ZNF385D: variants seen among roughly 807,000 people sequenced by gnomAD.
ZNF385D encodes the protein zinc finger protein 385D.
A neutral mutation model predicts 35.8 loss-of-function variants in ZNF385D; 15 were observed. That is an observed-to-expected ratio of 0.42 (90% CI 0.28 to 0.64). The LOEUF (loss-of-function observed/expected upper bound fraction) is 0.64, where lower values mean the gene tolerates loss of function less well. Among genes scored for constraint, ZNF385D ranks in the 30% least tolerant of loss-of-function variants. The pLI, the probability that ZNF385D is intolerant of heterozygous loss-of-function variation, is 0.23. For missense variants in ZNF385D, 474 were observed against 494.6 expected (o/e 0.96, Z 0.39); for synonymous variants, 212 against 186.8 (o/e 1.13, Z -1.10).
In ZNF385D at chr3:21,522,235, A is replaced by G. The variant is rs1314109048; in HGVS notation, c.277-11212T>C. On this transcript the variant is annotated intron_variant, in intron 3 of 7. Coordinates refer to ENST00000281523, the MANE Select transcript of ZNF385D (RefSeq NM_024697.3). ...ACCAAACAGAACTCTGAAGTGGGAC[A>G]TTTTATATGCAAAATCTGGGGAAAT... is the stretch of plus-strand genomic sequence containing the variant. 5.3e-5 allele frequency among the ~76,000 whole-genome samples: 8 copies of G among 152,292 alleles called. No homozygotes were observed. The East Asian group carries it at 1.2e-3, about 22-fold the overall frequency.
chr3:21,960,767 T>C (rs546669165), intron 3 of ZNF385D, among the ~76,000 whole-genome samples: 4 of 152,044 alleles, frequency 2.6e-5, no homozygotes, highest in African/African-American at 9.7e-5. Context: ...ATAAAAAGAA[T>C]GAAACCCTAT....
intron 3 of ZNF385D, among the ~76,000 whole-genome samples, chr3:21,953,972 T>C (rs1488058355): frequency 6.6e-6 from 1 of 152,042 alleles, no homozygotes; most frequent in African/African-American, 2.4e-5. Context: ...TATAAAATCG[T>C]GGATAAATAT....
chr3:21,537,890 C>A (rs1424661701), intron 3 of ZNF385D, among the ~76,000 whole-genome samples: 1 of 152,072 alleles, frequency 6.6e-6, no homozygotes, highest in East Asian at 1.9e-4. Context: ...AAATGATGAA[C>A]ACAGGGAGTA....
At chr3:22,323,408 G>C (rs1224024807) in intron 2 of ZNF385D, among the ~76,000 whole-genome samples, 1 of 152,128 alleles carries the variant, frequency 6.6e-6, no homozygotes, top group East Asian at 1.9e-4. Context: ...GAGCAGAAAG[G>C]GGGAAAGAAG....
At chr3:21,517,087 T>G (rs1305493882) in intron 3 of ZNF385D, among the ~76,000 whole-genome samples, 3 of 151,814 alleles carry the variant, frequency 2.0e-5, no homozygotes, top group Non-Finnish European at 4.4e-5. Flanking sequence ...AGCTTAAAAT[T>G]TTATCTTTTT....
chr3:22,078,003 T>A (rs1044032782), intron 3 of ZNF385D, among the ~76,000 whole-genome samples: 10 of 151,944 alleles, frequency 6.6e-5, no homozygotes, highest in Non-Finnish European at 1.5e-4. Flanking sequence ...GTTGGCCAAA[T>A]AAAGATCATG....
chr3:22,267,853 G>A (rs544532838), intron 2 of ZNF385D, among the ~76,000 whole-genome samples: 205 of 151,880 alleles, frequency 1.3e-3, no homozygotes, highest in African/African-American at 4.7e-3. Context: ...TTATGTGAAA[G>A]GCAATAAAAA....
At chr3:22,234,874 C>T (rs1175114706) in intron 2 of ZNF385D, among the ~76,000 whole-genome samples, 1 of 151,964 alleles carries the variant, frequency 6.6e-6, no homozygotes, top group East Asian at 1.9e-4. Context: ...AACTATCCTG[C>T]ATTATAATTC....
At chr3:21,997,868 C>CGTGTGTGTGTGTGTGTGTGT (rs1695574644) in intron 3 of ZNF385D, among the ~76,000 whole-genome samples, 1 of 56,580 alleles carries the variant, frequency 1.8e-5, no homozygotes, top group South Asian at 5.1e-4. Flanking sequence ...CGCGCGCGCG[C>CGTGTGTGTGTGTGTGTGTGT]GCGCGTGTGT....
intron 3 of ZNF385D, among the ~76,000 whole-genome samples, chr3:21,788,297 G>A (rs142913966): frequency 6.6e-6 from 1 of 152,162 alleles, no homozygotes; most frequent in Admixed American, 6.5e-5. Context: ...TGGCCAATGC[G>A]GGGAAACCCC....
At chr3:21,801,150 ACT>A (rs1312282192) in intron 3 of ZNF385D, among the ~76,000 whole-genome samples, 3 of 152,098 alleles carry the variant, frequency 2.0e-5, no homozygotes, top group African/African-American at 2.4e-5. Flanking sequence ...ATGTTGAATC[ACT>A]CTTACATTTC....
intron 3 of ZNF385D, among the ~76,000 whole-genome samples, chr3:21,844,120 T>C (rs1480867601): frequency 6.6e-6 from 1 of 151,974 alleles, no homozygotes; most frequent in Non-Finnish European, 1.5e-5. Context: ...TACGGGATTT[T>C]CACTATCTTA....
intron 3 of ZNF385D, among the ~76,000 whole-genome samples, chr3:22,102,602 T>C (rs928261338): frequency 2.0e-5 from 3 of 152,042 alleles, no homozygotes; most frequent in Non-Finnish European, 2.9e-5. Context: ...AAATGAGGCA[T>C]AGGCAGAGAT....
chr3:22,169,600 AT>A (rs1163222262), intron 2 of ZNF385D, among the ~76,000 whole-genome samples: 17 of 152,130 alleles, frequency 1.1e-4, no homozygotes, highest in African/African-American at 3.9e-4. Flanking sequence ...AATACCCCAA[AT>A]TTTATATTTT....
intron 2 of ZNF385D, among the ~76,000 whole-genome samples, chr3:21,617,637 G>A (rs1223871197): frequency 6.6e-6 from 1 of 152,156 alleles, no homozygotes; most frequent in African/African-American, 2.4e-5. Context: ...AACAGCAAGT[G>A]ATTGAAACGC....
chr3:22,218,213 C>A (rs962860710), intron 2 of ZNF385D, among the ~76,000 whole-genome samples: 1 of 151,902 alleles, frequency 6.6e-6, no homozygotes, highest in African/African-American at 2.4e-5. Context: ...ATTATTGAGT[C>A]TTCTTTAATT....
intron 2 of ZNF385D, among the ~76,000 whole-genome samples, chr3:21,611,726 A>G (rs1019458859): frequency 6.6e-6 from 1 of 152,136 alleles, no homozygotes; most frequent in African/African-American, 2.4e-5. Context: ...GGGCCAATGA[A>G]TCATTCATTG....
At chr3:22,306,890 C>T (rs941126831) in intron 2 of ZNF385D, among the ~76,000 whole-genome samples, 5 of 152,204 alleles carry the variant, frequency 3.3e-5, no homozygotes, top group South Asian at 2.1e-4. Context: ...AAGACAGCTG[C>T]GCTTTGAAGA....
intron 2 of ZNF385D, among the ~76,000 whole-genome samples, chr3:22,270,493 T>C (rs1701116914): frequency 6.6e-6 from 1 of 152,058 alleles, no homozygotes; most frequent in Non-Finnish European, 1.5e-5. Flanking sequence ...TTACTCCCTG[T>C]TGGATAAACT....
Sources: gnomAD v4.1 joint callset for allele counts (sites outside exome capture counted in the v4.1 genomes callset) on GRCh38, gnomAD v4.1.1 for gene constraint, MANE v1.5 for transcripts, NCBI Gene and HGNC (gene_info 2026-07-23, HGNC 2026-07-21) for gene names.